The following FAM219A variants were observed in gnomAD, a reference collection of about 807,000 sequenced individuals.
The protein encoded by FAM219A is family with sequence similarity 219 member A.
Under a neutral mutation model 23.4 loss-of-function variants are expected in FAM219A, and 7 were observed. The ratio of observed to expected loss-of-function variants is 0.30; its 90% CI spans 0.17 to 0.56. The LOEUF (loss-of-function observed/expected upper bound fraction) is 0.56, where lower values mean the gene tolerates loss of function less well. FAM219A is among the 20% of genes least tolerant of loss of function. The probability of loss-of-function intolerance (pLI) is 0.92; values close to 1 mark genes in which losing one functional copy is unlikely to be tolerated. For missense variants in FAM219A, 166 were observed against 246.9 expected (o/e 0.67, Z 2.20); for synonymous variants, 93 against 99.0 (o/e 0.94, Z 0.36).
chr9:34,437,033 G>GA (rs1247242578), intron 1 of FAM219A, among the ~76,000 whole-genome samples: 1 of 152,174 alleles, frequency 6.6e-6, no homozygotes, highest in Non-Finnish European at 1.5e-5. Context: ...CCACCAAAAG[G>GA]AACTTGGGAT....
chr9:34,419,110 C>A (rs1822152137), intron 1 of FAM219A, among the ~76,000 whole-genome samples: 1 of 151,406 alleles, frequency 6.6e-6, no homozygotes, highest in Non-Finnish European at 1.5e-5. Flanking sequence ...AACAAAGCCC[C>A]ATGATGGTTA....
At chr9:34,406,742 C>T (rs1237193104) in intron 1 of FAM219A, among the ~76,000 whole-genome samples, 1 of 151,940 alleles carries the variant, frequency 6.6e-6, no homozygotes, top group Non-Finnish European at 1.5e-5. Flanking sequence ...TTGACATCCT[C>T]CTCACTGCCC....
At chr9:34,434,485 C>G (rs1408878857) in intron 1 of FAM219A, among the ~76,000 whole-genome samples, 3 of 152,070 alleles carry the variant, frequency 2.0e-5, no homozygotes, top group African/African-American at 7.2e-5. Flanking sequence ...GAAAAAGAAT[C>G]TGAAGCCCTA....
intron 1 of FAM219A, among the ~76,000 whole-genome samples, chr9:34,414,450 G>T (rs148728044): frequency 2.8e-4 from 42 of 152,318 alleles, no homozygotes; most frequent in Non-Finnish European, 4.6e-4. Context: ...GATAGGTGCA[G>T]CAAACCACCA....
intron 1 of FAM219A, among the ~76,000 whole-genome samples, chr9:34,450,519 A>C (rs911960711): frequency 6.6e-6 from 1 of 151,898 alleles, no homozygotes; most frequent in African/African-American, 2.4e-5. Context: ...TCCTGGGTTC[A>C]AGCAATTTTC....
At chr9:34,445,385 G>C (rs1315101887) in intron 1 of FAM219A, among the ~76,000 whole-genome samples, 2 of 152,214 alleles carry the variant, frequency 1.3e-5, no homozygotes, top group African/African-American at 2.4e-5. Flanking sequence ...TTATGTGCTA[G>C]AGGTTATAGA....
chr9:34,405,611 T>G (rs545526647), intron 2 of FAM219A, among the ~76,000 whole-genome samples: 1 of 152,306 alleles, frequency 6.6e-6, no homozygotes, highest in South Asian at 2.1e-4. Flanking sequence ...CTTTTCCCCC[T>G]GCAGCTATGC....
At chr9:34,446,899 GA>G (rs1480056747) in intron 1 of FAM219A, among the ~76,000 whole-genome samples, 20 of 152,076 alleles carry the variant, frequency 1.3e-4, no homozygotes, top group African/African-American at 4.8e-4. Flanking sequence ...AGAGTAGGAT[GA>G]TTACCTCCTA....
At chr9:34,439,144 G>A (rs550642909) in intron 1 of FAM219A, among the ~76,000 whole-genome samples, 3 of 152,234 alleles carry the variant, frequency 2.0e-5, no homozygotes, top group Admixed American at 1.3e-4. Flanking sequence ...GAACACATCT[G>A]AACGTCAGAA....
At chr9:34,416,055 T>C (rs972500221) in intron 1 of FAM219A, among the ~76,000 whole-genome samples, 2 of 151,742 alleles carry the variant, frequency 1.3e-5, no homozygotes, top group African/African-American at 2.4e-5. Flanking sequence ...CACACACCTG[T>C]AGCCCCAGCT....
chr9:34,458,101 ATC>A lies in FAM219A; in HGVS notation c.60+101_60+102del. The A allele has an allele frequency of 9.0e-7, 1 of 1,110,242 alleles. No homozygotes were observed. The highest frequency in any genetic ancestry group is 3.2e-5 in the East Asian group (1 of 30,972). The allele number at this position is 1,110,242 out of a possible 1,614,324, so 68.8% of individuals were successfully genotyped here. A position where few individuals can be genotyped will look rare whatever the true frequency, so the allele number is the denominator to read the frequency against. Reference sequence around the variant, plus strand: ...ACGTTTTCAGGGATCTCTTTGCCCCATCCGATGGCGCCCCTCCGCACGATCCC... The same window carrying A: ...ACGTTTTCAGGGATCTCTTTGCCCCACGATGGCGCCCCTCCGCACGATCCC... On this transcript the variant is annotated intron_variant, in intron 1 of 5. Coordinates refer to ENST00000651358, the MANE Select transcript of FAM219A (RefSeq NM_001184940.2). This position sits in a 1 kb window ranked among gnomAD's most constrained non-coding sequence, Gnocchi z 6.6.
chr9:34,425,689 C>T (rs1398169480), intron 1 of FAM219A, among the ~76,000 whole-genome samples: 1 of 152,090 alleles, frequency 6.6e-6, no homozygotes, highest in Non-Finnish European at 1.5e-5. Context: ...GTGGGCAGTG[C>T]ACTGAGGTGC....
In FAM219A at chr9:34,398,367, A is replaced by C. The variant is rs1563993323; in HGVS notation, c.*2597T>G. ...TGGCTGGGTGGCAGCCACAGCTGAG[A>C]GAGGAGGGAGTGTTAAGGCAGTATC... On this transcript the variant is annotated 3_prime_UTR_variant, in exon 6 of 6. Coordinates refer to ENST00000651358, the MANE Select transcript of FAM219A (RefSeq NM_001184940.2). 2 of 1,550,574 alleles carry C rather than the reference A, an allele frequency of 1.3e-6. No homozygotes were observed. The highest frequency in any genetic ancestry group is 1.7e-6 in the Non-Finnish European group (2 of 1,146,940).
chr9:34,458,322 C>A lies in FAM219A; in HGVS notation c.-59G>T. The A allele has an allele frequency of 8.3e-7, 1 of 1,201,124 alleles. No individual in the cohort carries two copies. Among genetic ancestry groups the A allele is most frequent in the Non-Finnish European group, 1.0e-6 (1 of 964,264 alleles). 74.4% of individuals were successfully genotyped at this position (1,201,124 alleles called of 1,614,324 possible). On this transcript the variant is annotated 5_prime_UTR_variant, in exon 1 of 6. Transcript: ENST00000651358. This position sits in a 1 kb window ranked among gnomAD's most constrained non-coding sequence, Gnocchi z 6.6. ...GCGGCCGCGGACGCCGACAGGACCGCGCGGGGCGGCGGCCCCAGGAGCCCG... is the reference window on the plus strand; with the variant it reads ...GCGGCCGCGGACGCCGACAGGACCGAGCGGGGCGGCGGCCCCAGGAGCCCG...
In FAM219A at chr9:34,414,355, T is replaced by C. The variant is rs564653175; in HGVS notation, c.61-8391A>G. Among the ~76,000 whole-genome samples, 7 of 152,270 alleles carry C rather than the reference T, an allele frequency of 4.6e-5. No homozygotes were observed. In the South Asian group the frequency reaches 1.5e-3, roughly 32 times the overall value. ...TGTTTTTGTTCCCCATCTCCCTTTCTCCAAGTTTTCTCCAGGCACTGCCTG... is the reference window on the plus strand; with the variant it reads ...TGTTTTTGTTCCCCATCTCCCTTTCCCCAAGTTTTCTCCAGGCACTGCCTG... On this transcript the variant is annotated intron_variant, in intron 1 of 5. Coordinates refer to ENST00000651358, the MANE Select transcript of FAM219A (RefSeq NM_001184940.2).
intron 1 of FAM219A, among the ~76,000 whole-genome samples, chr9:34,439,230 CAGTG>C (rs1823066657): frequency 6.6e-6 from 1 of 152,222 alleles, no homozygotes; most frequent in Non-Finnish European, 1.5e-5. Context: ...TTCTTGAAGT[CAGTG>C]AGACCAAGAA....
At position 34,417,890 on chromosome 9, in the gene FAM219A, T is replaced by C. The variant is rs1822094468; in HGVS notation, c.61-11926A>G. ...GAGGGAAGACTCTTACACTGAAGACTGGGAAGGGCTTTAAGTGGAGCACTG... is the reference window on the plus strand; with the variant it reads ...GAGGGAAGACTCTTACACTGAAGACCGGGAAGGGCTTTAAGTGGAGCACTG... On this transcript the variant is annotated intron_variant, in intron 1 of 5. Transcript: ENST00000651358. The surrounding 1 kb of genome is among the most constrained non-coding windows in gnomAD (Gnocchi z 4.1). Among the ~76,000 whole-genome samples the C allele has an allele frequency of 6.6e-6, 1 of 152,186 alleles. No homozygotes were observed. The highest frequency in any genetic ancestry group is 6.5e-5 in the Admixed American group (1 of 15,280).
intron 1 of FAM219A, among the ~76,000 whole-genome samples, chr9:34,443,915 C>A (rs577225785): frequency 6.6e-6 from 1 of 152,210 alleles, no homozygotes; most frequent in Non-Finnish European, 1.5e-5. Flanking sequence ...ATGGTCAAAT[C>A]TTGGTTCTGA....
Position 34,410,926 on chromosome 9 carries a change from T to C in FAM219A, c.61-4962A>G, listed in dbSNP as rs1821798323. ...TTCTTGTGAGGATGAAAGGAGTTAA[T>C]ATGTATTAAAGCAGTTAGAATAGTC... On this transcript the variant is annotated intron_variant, in intron 1 of 5. Transcript: ENST00000651358. Among the ~76,000 whole-genome samples, 3 of 152,198 alleles carry C rather than the reference T, an allele frequency of 2.0e-5. No individual in the cohort carries two copies. The South Asian group carries it at 6.2e-4, about 32-fold the overall frequency.
Sources: allele counts gnomAD v4.1 joint callset (sites outside exome capture counted in the v4.1 genomes callset), GRCh38; gene constraint gnomAD v4.1.1; non-coding constraint Gnocchi (gnomAD v3.1); transcripts MANE v1.5; gene names NCBI Gene and HGNC (gene_info 2026-07-23, HGNC 2026-07-21).